SLC35F4: variants seen among roughly 807,000 people sequenced by gnomAD.
The protein encoded by SLC35F4 is solute carrier family 35 member F4, also known as chromosome 14 open reading frame 36.
In SLC35F4, 24 loss-of-function variants were observed where a neutral mutation model predicts 44.2. The ratio of observed to expected loss-of-function variants is 0.54; its 90% CI spans 0.39 to 0.76. The LOEUF (loss-of-function observed/expected upper bound fraction) is 0.76, where lower values mean the gene tolerates loss of function less well. SLC35F4 is among the 30% of genes least tolerant of loss of function. SLC35F4 has a pLI of 0.00. For missense variants in SLC35F4, 562 were observed against 586.1 expected (o/e 0.96, Z 0.42); for synonymous variants, 238 against 223.6 (o/e 1.06, Z -0.57).
At chr14:57,869,560 C>A (rs976681828), upstream of SLC35F4, among the ~76,000 whole-genome samples, 3 of 152,170 alleles carry the variant, frequency 2.0e-5, no homozygotes, top group Non-Finnish European at 4.4e-5. Flanking sequence ...GGGAAATGAT[C>A]TTTTTCCCCT....
chr14:57,837,070 A>C (rs1448891137), intron 1 of SLC35F4, among the ~76,000 whole-genome samples: 1 of 152,202 alleles, frequency 6.6e-6, no homozygotes, highest in African/African-American at 2.4e-5. Context: ...AAAAACTGAG[A>C]TTAGAAAATG....
At chr14:57,770,482 T>A (rs2077337057) in intron 1 of SLC35F4, among the ~76,000 whole-genome samples, 1 of 152,222 alleles carries the variant, frequency 6.6e-6, no homozygotes, top group South Asian at 2.1e-4. Context: ...AGGGCTATAC[T>A]ATCTCAATGA....
At chr14:57,597,101 A>G (rs2070538773) in intron 1 of SLC35F4, among the ~76,000 whole-genome samples, 2 of 152,190 alleles carry the variant, frequency 1.3e-5, no homozygotes, top group African/African-American at 4.8e-5. Context: ...ATCGTCTGGG[A>G]TGTAGTCAAG....
chr14:57,948,047 T>A (rs1057242292), intron 1 of SLC35F4, among the ~76,000 whole-genome samples: 1 of 152,028 alleles, frequency 6.6e-6, no homozygotes, highest in Non-Finnish European at 1.5e-5. Flanking sequence ...TATGGAATGA[T>A]TTGAGATGAT....
At chr14:57,880,034 G>GAGGA (rs59505576) in intron 1 of SLC35F4, among the ~76,000 whole-genome samples, 40 of 93,030 alleles carry the variant, frequency 4.3e-4, no homozygotes, top group Middle Eastern at 5.6e-3. Flanking sequence ...GGAAAGGAGG[G>GAGGA]AGGAAGGAAG....
chr14:57,639,041 CT>C (rs1555364828), intron 1 of SLC35F4, among the ~76,000 whole-genome samples: 2 of 152,048 alleles, frequency 1.3e-5, no homozygotes, highest in Non-Finnish European at 2.9e-5. Context: ...CCCAATTTGA[CT>C]TAGGAGTCTG....
intron 1 of SLC35F4, among the ~76,000 whole-genome samples, chr14:57,930,908 A>G (rs544226225): frequency 1.3e-5 from 2 of 152,206 alleles, no homozygotes; most frequent in Non-Finnish European, 2.9e-5. Flanking sequence ...TAAACCCCAA[A>G]TTGCACATCC....
intron 3 of SLC35F4, among the ~76,000 whole-genome samples, chr14:57,586,880 G>GA (rs1351576527): frequency 6.6e-6 from 1 of 151,336 alleles, no homozygotes; most frequent in Admixed American, 6.6e-5. Context: ...TACAGAATGG[G>GA]AAAAAAATTT....
At chr14:57,735,098 C>T (rs2076431169) in intron 1 of SLC35F4, among the ~76,000 whole-genome samples, 2 of 151,972 alleles carry the variant, frequency 1.3e-5, no homozygotes, top group Admixed American at 6.6e-5. Flanking sequence ...CAAAATACAA[C>T]AGGATGAGGC....
chr14:57,829,903 T>C (rs528591687), intron 1 of SLC35F4, among the ~76,000 whole-genome samples: 1 of 152,198 alleles, frequency 6.6e-6, no homozygotes, highest in Non-Finnish European at 1.5e-5. Context: ...AAATCACTCA[T>C]GGTTTTTTAA....
chr14:57,742,780 G>A (rs1390540650), intron 1 of SLC35F4, among the ~76,000 whole-genome samples: 1 of 152,122 alleles, frequency 6.6e-6, no homozygotes. Context: ...ATTCTTCTCA[G>A]CACCACATCA....
At chr14:57,949,576 G>A (rs1362559925) in intron 1 of SLC35F4, among the ~76,000 whole-genome samples, 1 of 152,100 alleles carries the variant, frequency 6.6e-6, no homozygotes, top group African/African-American at 2.4e-5. Context: ...GCTAGTTGTT[G>A]CCTAAATACC....
chr14:57,746,044 G>C (rs562462675), intron 1 of SLC35F4, among the ~76,000 whole-genome samples: 12 of 151,192 alleles, frequency 7.9e-5, no homozygotes, highest in African/African-American at 2.9e-4. Flanking sequence ...GAGAACACTT[G>C]AATACAGGGT....
intron 1 of SLC35F4, among the ~76,000 whole-genome samples, chr14:57,680,016 C>A (rs2074839966): frequency 6.6e-6 from 1 of 152,092 alleles, no homozygotes; most frequent in African/African-American, 2.4e-5. Flanking sequence ...CTCCCTAACT[C>A]ATTTTATGAG....
intron 1 of SLC35F4, among the ~76,000 whole-genome samples, chr14:57,909,605 T>A (rs982725429): frequency 1.3e-5 from 2 of 151,728 alleles, no homozygotes; most frequent in African/African-American, 4.8e-5. Flanking sequence ...TTTTCATTAT[T>A]AATATGCATC....
intron 1 of SLC35F4, among the ~76,000 whole-genome samples, chr14:57,647,372 A>T (rs2073578032): frequency 6.6e-6 from 1 of 152,128 alleles, no homozygotes; most frequent in South Asian, 2.1e-4. Flanking sequence ...CTTTACCATT[A>T]TGTGATGGCC....
At chr14:57,565,495 C>T (rs948416518) in intron 7 of SLC35F4, among the ~76,000 whole-genome samples, 1 of 152,174 alleles carries the variant, frequency 6.6e-6, no homozygotes, top group African/African-American at 2.4e-5. Flanking sequence ...CTACATGGTC[C>T]TGAGGGCAGG....
At chr14:57,639,504 C>T (rs2073142295) in intron 1 of SLC35F4, among the ~76,000 whole-genome samples, 1 of 151,902 alleles carries the variant, frequency 6.6e-6, no homozygotes, top group Non-Finnish European at 1.5e-5. Flanking sequence ...TACCAAAACA[C>T]AAGAGCCATG....
chr14:57,597,010 G>A (rs1039030080), intron 1 of SLC35F4: 19 of 594,966 alleles, frequency 3.2e-5, no homozygotes, highest in East Asian at 1.3e-4. Flanking sequence ...TCCTGGAAGC[G>A]AAAACATTGT....
Sources: gnomAD v4.1 joint callset for allele counts (sites outside exome capture counted in the v4.1 genomes callset) on GRCh38, gnomAD v4.1.1 for gene constraint, MANE v1.5 for transcripts, NCBI Gene and HGNC (gene_info 2026-07-23, HGNC 2026-07-21) for gene names.